SLC2A9: variants seen among roughly 807,000 people sequenced by gnomAD.
SLC2A9 encodes the protein solute carrier family 2 member 9.
SLC2A9 carries 39 observed loss-of-function variants against 50.6 expected under a neutral mutation model. That is an observed-to-expected ratio of 0.77 (90% CI 0.60 to 1.01). The LOEUF is 1.01. Among genes scored for constraint, SLC2A9 ranks in the 50% least tolerant of loss-of-function variants. The probability of loss-of-function intolerance (pLI) is 0.00; values close to 1 mark genes in which losing one functional copy is unlikely to be tolerated. For synonymous variants in SLC2A9, 324 were observed against 276.9 expected, an observed-to-expected ratio of 1.17 and a Z score of -1.69; for missense variants, 686 against 677.6, an observed-to-expected ratio of 1.01 and a Z score of -0.14.
intron 4 of SLC2A9, among the ~76,000 whole-genome samples, chr4:9,982,508 C>A (rs915834315): frequency 6.6e-6 from 1 of 152,164 alleles, no homozygotes; most frequent in African/African-American, 2.4e-5. Context: ...TGGAATGCAG[C>A]TTATTTTTAG....
chr4:9,802,715 C>T (rs773101456), intron 3 of SLC2A9, among the ~76,000 whole-genome samples: 3 of 151,922 alleles, frequency 2.0e-5, no homozygotes, highest in Admixed American at 6.6e-5. Flanking sequence ...CCCACCACTA[C>T]GCCTGGCCAA....
intron 5 of SLC2A9, among the ~76,000 whole-genome samples, chr4:9,948,161 TCTC>T (rs1172951210): frequency 1.3e-5 from 2 of 151,976 alleles, no homozygotes; most frequent in Admixed American, 6.6e-5. Flanking sequence ...TCTCCCTGGT[TCTC>T]CTCCAGCTTC....
At chr4:9,819,378 T>G (rs1167696093) in intron 3 of SLC2A9, among the ~76,000 whole-genome samples, 1 of 152,206 alleles carries the variant, frequency 6.6e-6, no homozygotes, top group Admixed American at 6.5e-5. Flanking sequence ...GCCATTCCAA[T>G]AGGTTTGGGA....
At chr4:9,799,428 G>A (rs765198225) in intron 3 of SLC2A9, among the ~76,000 whole-genome samples, 1 of 151,988 alleles carries the variant, frequency 6.6e-6, no homozygotes, top group Non-Finnish European at 1.5e-5. Flanking sequence ...CTCATGTGGT[G>A]GAAGGGGTCA....
At chr4:9,895,359 C>G (rs1406672770) in intron 8 of SLC2A9, among the ~76,000 whole-genome samples, 2 of 152,108 alleles carry the variant, frequency 1.3e-5, no homozygotes, top group Admixed American at 1.3e-4. Flanking sequence ...CGGCTCTGTT[C>G]TTCTTCCCTC....
chr4:9,920,304 G>T, intron 7 of SLC2A9, 81 bp downstream of exon 7: 1 of 1,492,008 alleles, frequency 6.7e-7, no homozygotes, highest in Non-Finnish European at 9.2e-7. Context: ...GAACCTGGGC[G>T]TCTGGGGCCC....
intron 6 of SLC2A9, among the ~76,000 whole-genome samples, chr4:9,938,271 T>A (rs1747464693): frequency 3.6e-5 from 1 of 27,730 alleles, no homozygotes; most frequent in Non-Finnish European, 6.1e-5. Flanking sequence ...TCTTTTGCTA[T>A]TTTTTTTTTT....
chr4:9,887,658 G>A lies in SLC2A9; in HGVS notation c.1216-16C>T, dbSNP rs1182789211. ...GGGCGTGGTCCTGGGAGAGAACAGGGAGTGGTCAGGTGAGGAGGTGATGGT... is the reference window on the plus strand; with the variant it reads ...GGGCGTGGTCCTGGGAGAGAACAGGAAGTGGTCAGGTGAGGAGGTGATGGT... On this transcript the variant is annotated splice_polypyrimidine_tract_variant and intron_variant, in intron 9 of 11. Coordinates refer to ENST00000264784, the MANE Select transcript of SLC2A9 (RefSeq NM_020041.3). 6.7e-7 allele frequency: 1 copy of A among 1,500,720 alleles called. No homozygotes were observed. Among genetic ancestry groups the A allele is most frequent in the African/African-American group, 1.4e-5 (1 of 71,762 alleles). The allele number at this position is 1,500,720 out of a possible 1,614,324, so 93.0% of individuals were successfully genotyped here.
chr4:9,845,897 A>G (rs1728907375), intron 10 of SLC2A9, among the ~76,000 whole-genome samples: 1 of 152,208 alleles, frequency 6.6e-6, no homozygotes, highest in South Asian at 2.1e-4. Context: ...AAAACTCTTC[A>G]CGGGCATTCT....
chr4:9,992,597 G>A (rs1757907441), intron 3 of SLC2A9, among the ~76,000 whole-genome samples: 1 of 152,190 alleles, frequency 6.6e-6, no homozygotes, highest in Admixed American at 6.5e-5. Flanking sequence ...CTATCGGAAG[G>A]AGAATTTCCA....
chr4:10,013,068 G>A (rs933312249), intron 2 of SLC2A9, among the ~76,000 whole-genome samples: 73 of 152,290 alleles, frequency 4.8e-4, no homozygotes, highest in African/African-American at 1.6e-3. Context: ...TAGCTACTGT[G>A]GTGTTCATCT....
intron 5 of SLC2A9, among the ~76,000 whole-genome samples, chr4:9,953,393 G>T (rs77057718): frequency 0.015 from 2,266 of 152,354 alleles, 69 homozygotes; most frequent in African/African-American, 0.051. Flanking sequence ...AGGGCCAGGT[G>T]GGCCCAGATG....
chr4:9,995,641 A>C (rs1758514149), intron 3 of SLC2A9: 1 of 152,218 alleles, frequency 6.6e-6, no homozygotes, highest in African/African-American at 2.4e-5. Context: ...AGTGATGTCA[A>C]GGTGATGATG....
chr4:9,851,917 A>G (rs1729993162), intron 10 of SLC2A9, among the ~76,000 whole-genome samples: 1 of 152,240 alleles, frequency 6.6e-6, no homozygotes, highest in South Asian at 2.1e-4. Flanking sequence ...GCAATATGAG[A>G]TTATGTAAAG....
intron 10 of SLC2A9, chr4:9,879,711 C>T (rs372133863): frequency 1.0e-6 from 1 of 985,242 alleles, no homozygotes; most frequent in East Asian, 1.1e-4. Context: ...CACAAACTCC[C>T]CATAGAGGAC....
Position 9,931,985 on chromosome 4 carries a change from T to TATATACAC in SLC2A9, c.814+9927_814+9928insGTGTATAT, listed in dbSNP as rs60984337. On this transcript the variant is annotated intron_variant, in intron 6 of 11. Coordinates refer to ENST00000264784, the MANE Select transcript of SLC2A9 (RefSeq NM_020041.3). ...CTCTATATATATATATATATATATA[T>TATATACAC]ATATATATATATATGCCTTGCCTGA... Among the ~76,000 whole-genome samples, 30 of 95,672 alleles carry TATATACAC rather than the reference T, an allele frequency of 3.1e-4. 2 individuals carry two copies. Among genetic ancestry groups the TATATACAC allele is most frequent in the African/African-American group, 8.9e-4 (20 of 22,502 alleles). The allele number at this position is 95,672 out of a possible 152,430, so 62.8% of individuals were successfully genotyped here.
downstream of SLC2A9, among the ~76,000 whole-genome samples, chr4:9,779,021 C>T (rs1254701023): frequency 6.6e-6 from 1 of 152,116 alleles, no homozygotes; most frequent in Non-Finnish European, 1.5e-5. Context: ...TTGCCTCACC[C>T]TCCCACAGTG....
rs1200035995 is a variant in SLC2A9, at chr4:9,890,568, C to T, written c.1215+42G>A. The T allele has an allele frequency of 2.5e-6, 4 of 1,584,364 alleles. No individual in the cohort carries two copies. The African/African-American group carries it at 4.0e-5, about 16-fold the overall frequency. On this transcript the variant is annotated intron_variant, in intron 9 of 11. Coordinates refer to ENST00000264784, the MANE Select transcript of SLC2A9 (RefSeq NM_020041.3). ...AAAACGATGAAGCCAGAAGTCAGCT[C>T]CATGCTTATCTCCCTCAAATGTGAC...
At chr4:9,787,146 C>T (rs1305021146) in intron 3 of SLC2A9, among the ~76,000 whole-genome samples, 4 of 152,158 alleles carry the variant, frequency 2.6e-5, no homozygotes, top group East Asian at 1.9e-4. Context: ...CCACACAGAG[C>T]GTGTATTACA....
Sources: gnomAD v4.1 joint callset for allele counts (sites outside exome capture counted in the v4.1 genomes callset) on GRCh38, gnomAD v4.1.1 for gene constraint, MANE v1.5 for transcripts, NCBI Gene and HGNC (gene_info 2026-07-23, HGNC 2026-07-21) for gene names.